The following AUTS2 variants were observed in gnomAD, a reference collection of about 807,000 sequenced individuals.
AUTS2 encodes autism susceptibility gene 2 protein.
A neutral mutation model predicts 112.4 loss-of-function variants in AUTS2; 17 were observed. The observed-to-expected ratio is 0.15, with a 90% CI of 0.10 to 0.23. The LOEUF (loss-of-function observed/expected upper bound fraction) is 0.23. Ranked by LOEUF, AUTS2 falls within the 10% of genes least tolerant of loss-of-function variation. AUTS2 has a pLI of 1.00. For missense variants in AUTS2, 1,510 were observed against 1,701.6 expected (o/e 0.89, Z 1.98); for synonymous variants, 751 against 702.7 (o/e 1.07, Z -1.09).
chr7:70,502,704 G>A (rs1798814772), intron 5 of AUTS2, among the ~76,000 whole-genome samples: 1 of 152,186 alleles, frequency 6.6e-6, no homozygotes, highest in Non-Finnish European at 1.5e-5. Flanking sequence ...AGTACCACAT[G>A]GGCAGAGAAG....
chr7:69,759,777 C>G (rs956735973), intron 1 of AUTS2, among the ~76,000 whole-genome samples: 1 of 57,626 alleles, frequency 1.7e-5, no homozygotes, highest in African/African-American at 6.8e-5. Flanking sequence ...CCCGCCCCCC[C>G]CCCCCCCCCC....
intron 1 of AUTS2, among the ~76,000 whole-genome samples, chr7:69,736,873 C>T (rs1787052424): frequency 6.6e-6 from 1 of 152,106 alleles, no homozygotes; most frequent in Admixed American, 6.5e-5. Context: ...TAAACCTGGT[C>T]CAGGCACAGG....
intron 1 of AUTS2, among the ~76,000 whole-genome samples, chr7:69,850,455 A>T (rs1792427706): frequency 7.3e-6 from 1 of 137,356 alleles, no homozygotes; most frequent in Admixed American, 7.7e-5. Flanking sequence ...TTCCAGAGTG[A>T]CTGTACCATT....
chr7:69,607,474 A>G (rs149587383), intron 1 of AUTS2, among the ~76,000 whole-genome samples: 2 of 152,284 alleles, frequency 1.3e-5, no homozygotes, highest in African/African-American at 4.8e-5. Context: ...AAATTTCATT[A>G]TTTGAACTGT....
At chr7:70,404,179 G>T (rs770418254) in intron 4 of AUTS2, among the ~76,000 whole-genome samples, 3 of 152,162 alleles carry the variant, frequency 2.0e-5, no homozygotes, top group African/African-American at 4.8e-5. Context: ...TGTTGTGGAG[G>T]TGACTGGAAT....
In AUTS2 at chr7:70,276,525, C is replaced by G. The variant is rs547046460; in HGVS notation, c.660+141954C>G. Among the ~76,000 whole-genome samples, 5 of 151,828 alleles carry G rather than the reference C, an allele frequency of 3.3e-5. No homozygotes were observed. In the South Asian group the frequency reaches 1.0e-3, roughly 32 times the overall value. On this transcript the variant is annotated intron_variant, in intron 4 of 18. Transcript: ENST00000342771. ...TCCCGAGTAGCTGGGATTAGAGGTC[C>G]CAGCTACCACACCCAACTAATTTTT...
intron 1 of AUTS2, among the ~76,000 whole-genome samples, chr7:69,683,544 G>T (rs1796910522): frequency 6.6e-6 from 1 of 152,022 alleles, no homozygotes; most frequent in Non-Finnish European, 1.5e-5. Context: ...CTGCACTCCA[G>T]CCTGTGTGAC....
At chr7:69,606,453 G>C (rs1343099460) in intron 1 of AUTS2, among the ~76,000 whole-genome samples, 1 of 152,180 alleles carries the variant, frequency 6.6e-6, no homozygotes, top group African/African-American at 2.4e-5. Context: ...GCACGCAAAG[G>C]GTGAAGGATG....
chr7:70,256,277 AGT>A (rs1696509284), intron 4 of AUTS2, among the ~76,000 whole-genome samples: 1 of 152,158 alleles, frequency 6.6e-6, no homozygotes, highest in African/African-American at 2.4e-5. Context: ...TTAGATTTGC[AGT>A]GTGTTGGGTT....
rs181170806 is a variant in AUTS2 at position 70,781,775 on chromosome 7, G to T, written c.2146+19G>T. 3.2e-5 allele frequency: 52 copies of T among 1,611,990 alleles called. No homozygotes were observed. The highest frequency in any genetic ancestry group is 1.4e-4 in the South Asian group (13 of 90,692). ...GCCGCTGGTGAGTGTGGGTTTGGGT[G>T]GGGGGACAGAGCTGAGAAATGTAGT... is the stretch of plus-strand genomic sequence containing the variant. On this transcript the variant is annotated intron_variant, in intron 15 of 18. Transcript: ENST00000342771.
At chr7:70,403,303 T>G (rs1349093696) in intron 4 of AUTS2, among the ~76,000 whole-genome samples, 1 of 152,252 alleles carries the variant, frequency 6.6e-6, no homozygotes, top group East Asian at 1.9e-4. Context: ...TGGGCAAAGA[T>G]GCAGCTAACC....
intron 5 of AUTS2, among the ~76,000 whole-genome samples, chr7:70,697,026 A>G (rs1210806720): frequency 6.6e-6 from 1 of 152,246 alleles, no homozygotes; most frequent in Non-Finnish European, 1.5e-5. Flanking sequence ...GGAAACTCAC[A>G]GTCCTAGAAA....
intron 4 of AUTS2, among the ~76,000 whole-genome samples, chr7:70,216,969 G>A (rs1351020049): frequency 6.6e-6 from 1 of 152,066 alleles, no homozygotes; most frequent in Non-Finnish European, 1.5e-5. Context: ...GAGTGCAGTG[G>A]CACGATCTCA....
chr7:69,898,218 A>G (rs1262997219), intron 1 of AUTS2, among the ~76,000 whole-genome samples: 1 of 152,156 alleles, frequency 6.6e-6, no homozygotes, highest in Non-Finnish European at 1.5e-5. Context: ...AAAAATTTTT[A>G]AAAAGTTCAT....
At chr7:69,680,591 A>C (rs1330305296) in intron 1 of AUTS2, among the ~76,000 whole-genome samples, 1 of 152,204 alleles carries the variant, frequency 6.6e-6, no homozygotes, top group Non-Finnish European at 1.5e-5. Flanking sequence ...TACCCCTTAA[A>C]CAACAACTCC....
intron 2 of AUTS2, among the ~76,000 whole-genome samples, chr7:70,010,746 A>G (rs371039802): frequency 6.6e-6 from 1 of 152,218 alleles, no homozygotes; most frequent in Non-Finnish European, 1.5e-5. Context: ...GGGTTGTTTC[A>G]ATCTAAAGAT....
At chr7:70,521,087 A>C (rs1008730637) in intron 5 of AUTS2, among the ~76,000 whole-genome samples, 2 of 152,126 alleles carry the variant, frequency 1.3e-5, no homozygotes, top group South Asian at 2.1e-4. Flanking sequence ...ATGCCTAGCA[A>C]ATGCTAGGTG....
chr7:69,811,101 G>T (rs749864469), intron 1 of AUTS2, among the ~76,000 whole-genome samples: 24 of 152,020 alleles, frequency 1.6e-4, no homozygotes, highest in Non-Finnish European at 2.8e-4. Context: ...GGGGTTCTCT[G>T]GCCAGAGTGT....
intron 6 of AUTS2, among the ~76,000 whole-genome samples, chr7:70,702,958 T>C (rs1809539400): frequency 6.6e-6 from 1 of 152,170 alleles, no homozygotes; most frequent in South Asian, 2.1e-4. Context: ...TTTTTGGCAG[T>C]ATGGTTCTAT....
Sources: gnomAD v4.1 joint callset for allele counts (sites outside exome capture counted in the v4.1 genomes callset) on GRCh38, gnomAD v4.1.1 for gene constraint, MANE v1.5 for transcripts, NCBI Gene and HGNC (gene_info 2026-07-23, HGNC 2026-07-21) for gene names.